ANO3: variants seen among roughly 807,000 people sequenced by gnomAD.
The protein encoded by ANO3 is anoctamin 3, also known as anoctamin-3.
A neutral mutation model predicts 144.8 loss-of-function variants in ANO3; 99 were observed. The ratio of observed to expected loss-of-function variants is 0.68; its 90% CI spans 0.58 to 0.81. The LOEUF (loss-of-function observed/expected upper bound fraction) is 0.81, where lower values mean the gene tolerates loss of function less well. Among genes scored for constraint, ANO3 ranks in the 30% least tolerant of loss-of-function variants. The pLI is 0.00. For missense variants in ANO3, 905 were observed against 1,202.2 expected, an observed-to-expected ratio of 0.75 and a Z score of 3.66; for synonymous variants, 414 against 392.6, an observed-to-expected ratio of 1.05 and a Z score of -0.64.
intron 15 of ANO3, 138 bp downstream of exon 15, chr11:26,598,585 T>G: frequency 1.6e-6 from 1 of 642,726 alleles, no homozygotes; most frequent in Non-Finnish European, 2.6e-6. Flanking sequence ...AAAGATTTAT[T>G]ATTTTATGAA....
intron 19 of ANO3, 140 bp from the exon 20 acceptor site, chr11:26,634,873 A>G (rs1450838685): frequency 3.2e-6 from 2 of 629,738 alleles, no homozygotes; most frequent in Non-Finnish European, 5.8e-6. Flanking sequence ...TTGATGTTTA[A>G]GATAGCAGAA....
At chr11:26,352,200 CTT>C (rs1436562499) in intron 1 of ANO3, among the ~76,000 whole-genome samples, 1 of 152,170 alleles carries the variant, frequency 6.6e-6, no homozygotes, top group East Asian at 1.9e-4. Context: ...AAAAACAAGT[CTT>C]TACTACCCAA....
intron 18 of ANO3, among the ~76,000 whole-genome samples, chr11:26,632,593 T>TAA (rs34748503): frequency 8.9e-4 from 132 of 148,264 alleles, no homozygotes; most frequent in Non-Finnish European, 1.5e-3. Context: ...TATATATATA[T>TAA]AATATATGTC....
intron 23 of ANO3, among the ~76,000 whole-genome samples, chr11:26,646,219 C>T (rs1474973904): frequency 1.3e-5 from 2 of 152,016 alleles, no homozygotes; most frequent in Non-Finnish European, 2.9e-5. Flanking sequence ...AAAACATATT[C>T]ATCTAATTTA....
chr11:26,233,522 A>G lies in ANO3; in HGVS notation c.154+44192A>G, dbSNP rs1051888141. ...GTGTAAATTAGTTCAACCATTGTGG[A>G]AGACAGTGTGGTGGTTCCTCAAGGA... is the stretch of plus-strand genomic sequence containing the variant. On this transcript the variant is annotated intron_variant, in intron 1 of 27. Transcript: ENST00000672621. Among the ~76,000 whole-genome samples the G allele has an allele frequency of 5.3e-5, 8 of 152,218 alleles. No homozygotes were observed. The East Asian group carries it at 1.5e-3, about 29-fold the overall frequency.
At chr11:26,285,090 G>T (rs578151941) in intron 1 of ANO3, among the ~76,000 whole-genome samples, 4 of 150,360 alleles carry the variant, frequency 2.7e-5, no homozygotes, top group African/African-American at 7.5e-5. Flanking sequence ...TTTATTTACT[G>T]TGTACAATTT....
intron 1 of ANO3, among the ~76,000 whole-genome samples, chr11:26,416,496 G>A (rs1857590160): frequency 6.6e-6 from 1 of 151,208 alleles, no homozygotes; most frequent in Non-Finnish European, 1.5e-5. Flanking sequence ...GCAAGATCTT[G>A]GCTCACTGCA....
chr11:26,281,417 G>T (rs1853676342), intron 1 of ANO3, among the ~76,000 whole-genome samples: 1 of 152,084 alleles, frequency 6.6e-6, no homozygotes, highest in Non-Finnish European at 1.5e-5. Context: ...AATGAGATAG[G>T]CCTAGAGGGA....
chr11:26,252,030 T>C (rs888587779), intron 1 of ANO3, among the ~76,000 whole-genome samples: 6 of 152,210 alleles, frequency 3.9e-5, no homozygotes, highest in Middle Eastern at 3.2e-3. Context: ...ATGTTTTTTT[T>C]CTAGAGAAAA....
At chr11:26,588,727 A>G (rs1047382838) in intron 14 of ANO3, among the ~76,000 whole-genome samples, 1 of 152,234 alleles carries the variant, frequency 6.6e-6, no homozygotes, top group Non-Finnish European at 1.5e-5. Flanking sequence ...ACTACATTAA[A>G]AAACCTTAAG....
intron 1 of ANO3, among the ~76,000 whole-genome samples, chr11:26,417,540 C>T (rs1357679470): frequency 6.6e-6 from 1 of 151,920 alleles, no homozygotes; most frequent in African/African-American, 2.4e-5. Context: ...TTTATTAGAG[C>T]AACAGAGTAT....
chr11:26,250,511 G>A (rs1195791259), intron 1 of ANO3, among the ~76,000 whole-genome samples: 1 of 152,122 alleles, frequency 6.6e-6, no homozygotes, highest in Admixed American at 6.5e-5. Context: ...GCTTATGTAT[G>A]CTGTCAGTGA....
At chr11:26,234,212 A>G (rs908293041) in intron 1 of ANO3, among the ~76,000 whole-genome samples, 4 of 152,238 alleles carry the variant, frequency 2.6e-5, no homozygotes, top group African/African-American at 7.2e-5. Context: ...GTTTTCCTTC[A>G]GAGATGAATG....
chr11:26,252,920 AAAAG>A (rs1206487555), intron 1 of ANO3, among the ~76,000 whole-genome samples: 83 of 152,306 alleles, frequency 5.4e-4, no homozygotes, highest in African/African-American at 1.9e-3. Context: ...CACTAACTCT[AAAAG>A]AAACACTTGA....
chr11:26,563,351 GA>G (rs1850373434), intron 14 of ANO3: 2 of 1,317,586 alleles, frequency 1.5e-6, no homozygotes, highest in South Asian at 1.5e-5. Flanking sequence ...ATATAACAAA[GA>G]ATGTTTAACA....
intron 1 of ANO3, among the ~76,000 whole-genome samples, chr11:26,423,530 A>C (rs894820725): frequency 2.0e-5 from 3 of 151,886 alleles, no homozygotes; most frequent in African/African-American, 7.2e-5. Flanking sequence ...AATTTACACC[A>C]AATTTCATTA....
intron 1 of ANO3, among the ~76,000 whole-genome samples, chr11:26,200,895 C>T (rs950798291): frequency 6.6e-6 from 1 of 152,052 alleles, no homozygotes; most frequent in Non-Finnish European, 1.5e-5. Flanking sequence ...ACCTCTGAAC[C>T]TTCCTTGATT....
intron 1 of ANO3, among the ~76,000 whole-genome samples, chr11:26,433,295 G>A (rs1274088245): frequency 6.6e-6 from 1 of 152,178 alleles, no homozygotes; most frequent in East Asian, 1.9e-4. Flanking sequence ...CTTTGGGTCT[G>A]AGACTATGGA....
chr11:26,246,374 G>A (rs117272809), intron 1 of ANO3, among the ~76,000 whole-genome samples: 2,872 of 151,062 alleles, frequency 0.019, 41 homozygotes, highest in Non-Finnish European at 0.031. Flanking sequence ...ATCTGTTAAT[G>A]CACAGCCTTA....
Sources: allele counts gnomAD v4.1 joint callset (sites outside exome capture counted in the v4.1 genomes callset), GRCh38; gene constraint gnomAD v4.1.1; transcripts MANE v1.5; gene names NCBI Gene and HGNC (gene_info 2026-07-23, HGNC 2026-07-21).